Variants in GNG7 observed in about 807,000 individuals in gnomAD.
GNG7 encodes guanine nucleotide-binding protein G(I)/G(S)/G(O) subunit gamma-7.
Under a neutral mutation model 4.0 loss-of-function variants are expected in GNG7, and 1 was observed. The observed-to-expected ratio is 0.25, with a 90% CI of 0.09 to 1.18. The LOEUF is 1.18. Ranked by LOEUF, GNG7 falls within the 50% of genes most tolerant of loss-of-function variation. GNG7 has a pLI of 0.50. For synonymous variants in GNG7, 34 were observed against 36.9 expected, an observed-to-expected ratio of 0.92 and a Z score of 0.29; for missense variants, 86 against 91.9, an observed-to-expected ratio of 0.94 and a Z score of 0.26.
intron 1 of GNG7, among the ~76,000 whole-genome samples, chr19:2,692,748 G>A (rs1235118206): frequency 1.3e-5 from 2 of 151,990 alleles, no homozygotes; most frequent in South Asian, 2.1e-4. Context: ...AATGTGGGCC[G>A]GCTGCGGTGG....
intron 1 of GNG7, among the ~76,000 whole-genome samples, chr19:2,674,184 G>A (rs979959631): frequency 6.8e-6 from 1 of 147,626 alleles, no homozygotes; most frequent in South Asian, 2.1e-4. Context: ...AGAATTGCCT[G>A]AACCTGGGAG....
intron 3 of GNG7, among the ~76,000 whole-genome samples, chr19:2,524,670 G>A (rs1209009346): frequency 6.6e-6 from 1 of 152,254 alleles, no homozygotes; most frequent in Non-Finnish European, 1.5e-5. Flanking sequence ...GTCTGCATAT[G>A]AGTGTGTGCA....
intron 3 of GNG7, among the ~76,000 whole-genome samples, chr19:2,535,163 G>A (rs1978696229): frequency 6.6e-6 from 1 of 151,914 alleles, no homozygotes; most frequent in Non-Finnish European, 1.5e-5. Context: ...TATTTGAGTT[G>A]TATGCCTACT....
chr19:2,616,356 T>C (rs971024282), intron 2 of GNG7, among the ~76,000 whole-genome samples: 3 of 152,022 alleles, frequency 2.0e-5, no homozygotes. Flanking sequence ...GCGATTCTCC[T>C]GCCTCAGCCT....
intron 1 of GNG7, among the ~76,000 whole-genome samples, chr19:2,695,577 G>A (rs1044070659): frequency 2.0e-5 from 3 of 152,192 alleles, no homozygotes; most frequent in Admixed American, 1.3e-4. Flanking sequence ...AAACCCAGGG[G>A]CACCGGGGAG....
intron 2 of GNG7, among the ~76,000 whole-genome samples, chr19:2,605,268 G>A (rs1175621435): frequency 4.6e-5 from 7 of 152,174 alleles, no homozygotes; most frequent in South Asian, 4.1e-4. Context: ...ACACCATCTC[G>A]GCTCACTGCA....
At chr19:2,674,481 G>A (rs1304682059) in intron 1 of GNG7, among the ~76,000 whole-genome samples, 1 of 152,020 alleles carries the variant, frequency 6.6e-6, no homozygotes, top group African/African-American at 2.4e-5. Flanking sequence ...CGTTGCCTAG[G>A]CTGGAGTGCA....
At chr19:2,561,195 T>A (rs1979731409) in intron 2 of GNG7, among the ~76,000 whole-genome samples, 2 of 151,628 alleles carry the variant, frequency 1.3e-5, no homozygotes, top group Non-Finnish European at 2.9e-5. Flanking sequence ...GTCCGTGGAA[T>A]CCCATAACCC....
chr19:2,571,793 A>G (rs1380849662), intron 2 of GNG7, among the ~76,000 whole-genome samples: 2 of 151,158 alleles, frequency 1.3e-5, no homozygotes, highest in Middle Eastern at 3.2e-3. Flanking sequence ...ACGGGGTTTC[A>G]CCATGTTGGC....
In GNG7 at chr19:2,612,355, C is replaced by T. The variant is rs1981594731; in HGVS notation, c.-78+33869G>A. 6.6e-5 allele frequency among the ~76,000 whole-genome samples: 10 copies of T among 152,218 alleles called. No homozygotes were observed. In the South Asian group the frequency reaches 2.1e-3, roughly 32 times the overall value. The stretch of plus-strand genomic sequence containing the variant: ...TAACCACACGTCCCCAAACATCGCC[C>T]AGTGCCCCCTGGGGGGCAGCATCAC... On this transcript the variant is annotated intron_variant, in intron 2 of 4. Transcript: ENST00000382159.
At chr19:2,693,871 C>G (rs1261582181) in intron 1 of GNG7, among the ~76,000 whole-genome samples, 1 of 152,110 alleles carries the variant, frequency 6.6e-6, no homozygotes, top group Non-Finnish European at 1.5e-5. Flanking sequence ...CACAACCCCC[C>G]CAAGTCTCTA....
chr19:2,578,398 A>C (rs902798667), intron 2 of GNG7, among the ~76,000 whole-genome samples: 1 of 152,164 alleles, frequency 6.6e-6, no homozygotes, highest in African/African-American at 2.4e-5. Context: ...TTTGTATTTG[A>C]TAGAATCTCT....
chr19:2,598,409 G>T (rs1222626494), intron 2 of GNG7, among the ~76,000 whole-genome samples: 1 of 151,812 alleles, frequency 6.6e-6, no homozygotes, highest in Non-Finnish European at 1.5e-5. Context: ...TGTACTCCCA[G>T]CACTTTGGGA....
intron 2 of GNG7, among the ~76,000 whole-genome samples, chr19:2,558,042 C>T (rs1014649897): frequency 6.6e-6 from 1 of 151,944 alleles, no homozygotes; most frequent in Non-Finnish European, 1.5e-5. Context: ...GGGGTTTCAC[C>T]GTGTTAGCCA....
At chr19:2,688,343 G>A (rs1913050218) in intron 1 of GNG7, among the ~76,000 whole-genome samples, 1 of 152,162 alleles carries the variant, frequency 6.6e-6, no homozygotes, top group Admixed American at 6.5e-5. Context: ...TGGGGAAGTG[G>A]GGAGTTCCCT....
At chr19:2,674,165 T>C (rs1470676421) in intron 1 of GNG7, among the ~76,000 whole-genome samples, 2 of 152,050 alleles carry the variant, frequency 1.3e-5, no homozygotes, top group African/African-American at 4.8e-5. Context: ...CTCCAGAGGC[T>C]GAGGCAAAAG....
At chr19:2,601,222 T>A (rs983423130) in intron 2 of GNG7, among the ~76,000 whole-genome samples, 11 of 152,158 alleles carry the variant, frequency 7.2e-5, no homozygotes, top group Non-Finnish European at 4.4e-5. Flanking sequence ...GTTCTTTGCA[T>A]CCATTCTAGT....
At chr19:2,677,580 G>C (rs903327157) in intron 1 of GNG7, among the ~76,000 whole-genome samples, 4 of 152,162 alleles carry the variant, frequency 2.6e-5, no homozygotes, top group Non-Finnish European at 5.9e-5. Flanking sequence ...CAGAAACCAA[G>C]GGGGGCCCCA....
Position 2,534,578 on chromosome 19 carries a change from G to A in GNG7, c.-37-13853C>T, listed in dbSNP as rs558170298. On this transcript the variant is annotated intron_variant, in intron 3 of 4. Transcript: ENST00000382159. ...CATGAGCTCAGCATTTTCCAGATTC[G>A]GAAATCCTGGAGGGGGCCATGAGGG... Among the ~76,000 whole-genome samples, 8 of 152,292 alleles carry A rather than the reference G, an allele frequency of 5.3e-5. No individual in the cohort carries two copies. In the East Asian group the frequency reaches 7.7e-4, roughly 15 times the overall value.
Sources: allele counts gnomAD v4.1 joint callset (sites outside exome capture counted in the v4.1 genomes callset), GRCh38; gene constraint gnomAD v4.1.1; transcripts MANE v1.5; gene names NCBI Gene and HGNC (gene_info 2026-07-23, HGNC 2026-07-21).